Variants in ANKRD36C observed in about 807,000 individuals in gnomAD.
ANKRD36C encodes the protein ankyrin repeat domain-containing protein 36C.
Under a neutral mutation model 276.4 loss-of-function variants are expected in ANKRD36C, and 61 were observed. That is an observed-to-expected ratio of 0.22 (90% CI 0.18 to 0.27). The LOEUF (loss-of-function observed/expected upper bound fraction) is 0.27. ANKRD36C is among the 10% of genes least tolerant of loss of function. The pLI, the probability that ANKRD36C is intolerant of heterozygous loss-of-function variation, is 1.00. For synonymous variants in ANKRD36C, 483 were observed against 680.1 expected (o/e 0.71, Z 4.51); for missense variants, 1,447 against 2,032.3 (o/e 0.71, Z 5.54).
intron 65 of ANKRD36C, 123 bp downstream of exon 85, chr2:95,852,003 A>C (rs1163210097): frequency 8.4e-7 from 1 of 1,188,710 alleles, no homozygotes; most frequent in Non-Finnish European, 1.2e-6. Flanking sequence ...TATAGCTTAC[A>C]GATGAAACTT....
chr2:95,968,118 G>T (rs1459728873), intron 6 of ANKRD36C, among the ~76,000 whole-genome samples: 3 of 152,050 alleles, frequency 2.0e-5, no homozygotes, highest in Admixed American at 6.6e-5. Context: ...ATGAACTTTT[G>T]TACATGCCTT....
At chr2:95,896,293 T>C (rs1185952635) in intron 44 of ANKRD36C, among the ~76,000 whole-genome samples, 2 of 149,718 alleles carry the variant, frequency 1.3e-5, no homozygotes, top group African/African-American at 4.9e-5. Flanking sequence ...ATATCATCAA[T>C]TGTCAACTTT....
intron 17 of ANKRD36C, among the ~76,000 whole-genome samples, chr2:95,945,554 C>T (rs1678024668): frequency 6.6e-6 from 1 of 152,138 alleles, no homozygotes; most frequent in Admixed American, 6.5e-5. Flanking sequence ...AATACTTAGG[C>T]ATGATATATA....
At chr2:95,894,306 C>T (rs1004008635) in intron 44 of ANKRD36C, 8 of 154,186 alleles carry the variant, frequency 5.2e-5, no homozygotes, top group Admixed American at 5.1e-4. Flanking sequence ...TCTCTCACAC[C>T]CATGTGGTAT....
At chr2:95,914,334 A>T (rs1285989383) in intron 38 of ANKRD36C, 31 bp from the exon 41 acceptor site, 1 of 1,545,460 alleles carries the variant, frequency 6.5e-7, no homozygotes, top group African/African-American at 1.4e-5. Flanking sequence ...ATAATCACTC[A>T]TATGTAAAAA....
At chr2:95,987,533 T>C (rs1436864597) in intron 1 of ANKRD36C, among the ~76,000 whole-genome samples, 1 of 151,476 alleles carries the variant, frequency 6.6e-6, no homozygotes, top group East Asian at 1.9e-4. Context: ...TAAGAATCTA[T>C]GCACAGCATT....
chr2:95,867,385 T>C, intron 60 of ANKRD36C, 55 bp downstream of exon 80: 3 of 634,360 alleles, frequency 4.7e-6, no homozygotes, highest in Non-Finnish European at 8.3e-6. Flanking sequence ...AAGCAATGTG[T>C]GCATACATTG....
intron 24 of ANKRD36C, among the ~76,000 whole-genome samples, chr2:95,933,754 AC>A (rs554549850): frequency 8.3e-4 from 122 of 147,796 alleles, no homozygotes; most frequent in South Asian, 1.5e-3. Flanking sequence ...CTATTTGAAT[AC>A]CCTTTATTTT....
At chr2:95,927,896 C>T (rs1426684297) in intron 26 of ANKRD36C, among the ~76,000 whole-genome samples, 3 of 151,626 alleles carry the variant, frequency 2.0e-5, no homozygotes, top group African/African-American at 7.3e-5. Flanking sequence ...CACTTCACGT[C>T]TCTTCAGTGG....
chr2:95,976,373 C>A (rs913848001), intron 6 of ANKRD36C, among the ~76,000 whole-genome samples: 2 of 151,992 alleles, frequency 1.3e-5, no homozygotes, highest in African/African-American at 4.8e-5. Context: ...TCTCGAAATG[C>A]GGCTGTGTTA....
Position 95,889,997 on chromosome 2 carries a change from GA to G in ANKRD36C, c.2858-4del. 1 of 1,607,260 alleles carries G rather than the reference GA, an allele frequency of 6.2e-7. No individual in the cohort carries two copies. Among genetic ancestry groups the G allele is most frequent in the East Asian group, 2.2e-5 (1 of 44,696 alleles). On this transcript the variant is annotated splice_region_variant and splice_polypyrimidine_tract_variant and intron_variant, in intron 46 of 66. Transcript: ENST00000456556. ...GGCTGGTTGTTTATGAGAAGACACT[GA>G]AAAGCAAAAAGGATACATAATCACT...
intron 1 of ANKRD36C, among the ~76,000 whole-genome samples, chr2:95,988,198 T>C (rs2918828): frequency 8.5e-5 from 13 of 152,092 alleles, no homozygotes; most frequent in Admixed American, 3.9e-4. Context: ...ATTCTTACTT[T>C]AATTTTCAAA....
At chr2:95,954,237 T>C (rs1484780971) in intron 13 of ANKRD36C, among the ~76,000 whole-genome samples, 2 of 152,198 alleles carry the variant, frequency 1.3e-5, no homozygotes, top group South Asian at 2.1e-4. Flanking sequence ...ACCTATGAAA[T>C]ATCCAATGCA....
chr2:95,917,777 T>G (rs1677145003), intron 36 of ANKRD36C, 78 bp downstream of exon 38: 1 of 1,513,298 alleles, frequency 6.6e-7, no homozygotes, highest in African/African-American at 1.4e-5. Flanking sequence ...CCAACCGCCC[T>G]CCGCTGATTT....
At chr2:95,884,031 G>A (rs886583075) in intron 54 of ANKRD36C, 142 bp downstream of exon 74, 20 of 994,006 alleles carry the variant, frequency 2.0e-5, no homozygotes, top group African/African-American at 1.8e-4. Context: ...AGCGTCACCC[G>A]AGAACTTATT....
In ANKRD36C at chr2:95,867,584, A is replaced by G; in HGVS notation, c.3541-3T>C. The G allele has an allele frequency of 7.5e-7, 1 of 1,326,034 alleles. No homozygotes were observed. The highest frequency in any genetic ancestry group is 1.0e-6 in the Non-Finnish European group (1 of 984,520). 82.1% of individuals were successfully genotyped at this position (1,326,034 alleles called of 1,614,324 possible). ...CTAGAATGTATTTGGTTTTTCACCTACAAAATAAATAACACTGTTTCAAAA... is the reference window on the plus strand; with the variant it reads ...CTAGAATGTATTTGGTTTTTCACCTGCAAAATAAATAACACTGTTTCAAAA... On this transcript the variant is annotated splice_polypyrimidine_tract_variant and splice_region_variant and intron_variant, in intron 59 of 66. Coordinates refer to ENST00000456556, the Ensembl canonical transcript of ANKRD36C.
intron 50 of ANKRD36C, 123 bp downstream of exon 70, chr2:95,887,802 G>C: frequency 8.1e-7 from 1 of 1,231,770 alleles, no homozygotes; most frequent in Non-Finnish European, 1.1e-6. Context: ...TAAAAATGAA[G>C]AATGTCAGGC....
exon 39 of ANKRD36C, chr2:95,914,278 C>G (rs1355653652): frequency 3.2e-6 from 5 of 1,550,850 alleles, no homozygotes; most frequent in Non-Finnish European, 4.4e-6. Context: ...TCATTACCTT[C>G]AAGCCTGCTG....
In ANKRD36C at chr2:95,853,934, T is replaced by G. The variant is rs1675351059; in HGVS notation, c.4996-73A>C. ...TTAAACCATTAATAATATTTAACTC[T>G]AAAGCATACGCTTTGAAAAATATCA... is the stretch of plus-strand genomic sequence containing the variant. On this transcript the variant is annotated intron_variant, in intron 63 of 66. Coordinates refer to ENST00000456556, the Ensembl canonical transcript of ANKRD36C. 3.9e-6 allele frequency: 6 copies of G among 1,519,278 alleles called. No individual in the cohort carries two copies. In the South Asian group the frequency reaches 7.5e-5, roughly 19 times the overall value. The allele number at this position is 1,519,278 out of a possible 1,614,324, so 94.1% of individuals were successfully genotyped here.
Sources: allele counts gnomAD v4.1 joint callset (sites outside exome capture counted in the v4.1 genomes callset), GRCh38; gene constraint gnomAD v4.1.1; transcripts MANE v1.5; gene names NCBI Gene and HGNC (gene_info 2026-07-23, HGNC 2026-07-21).